FAM107A: variants seen among roughly 807,000 people sequenced by gnomAD.
The protein encoded by FAM107A is family with sequence similarity 107 member A, also known as actin-associated protein FAM107A.
Under a neutral mutation model 13.7 loss-of-function variants are expected in FAM107A, and 19 were observed. The observed-to-expected ratio is 1.38, with a 90% CI of 0.97 to 2.03. The LOEUF (loss-of-function observed/expected upper bound fraction) is 2.03, where lower values mean the gene tolerates loss of function less well. Among genes scored for constraint, FAM107A ranks in the 30% most tolerant of loss-of-function variants. The probability of loss-of-function intolerance (pLI) is 0.00; values close to 1 mark genes in which losing one functional copy is unlikely to be tolerated. For missense variants in FAM107A, 203 were observed against 184.4 expected (o/e 1.10, Z -0.58); for synonymous variants, 82 against 74.5 (o/e 1.10, Z -0.52).
At chr3:58,571,233 T>A (rs1575439069) in intron 1 of FAM107A, among the ~76,000 whole-genome samples, 1 of 152,302 alleles carries the variant, frequency 6.6e-6, no homozygotes, top group Admixed American at 6.5e-5. Context: ...CAGACCCGTG[T>A]TTGGCATTTC....
At chr3:58,601,603 T>C (rs1406700993) in intron 1 of FAM107A, among the ~76,000 whole-genome samples, 4 of 152,222 alleles carry the variant, frequency 2.6e-5, no homozygotes, top group Admixed American at 6.5e-5. Flanking sequence ...TCAATGAATA[T>C]CCCACATGTA....
At chr3:58,599,696 ATTTTTTTTTTTTTTTTTTTTTTTTTTTT>A (rs57244654) in intron 1 of FAM107A, among the ~76,000 whole-genome samples, 1 of 78,570 alleles carries the variant, frequency 1.3e-5, no homozygotes, top group Non-Finnish European at 2.7e-5. Context: ...CAAGTGCACC[ATTTTTTTTTTTTTTTTTTTTTTTTTTTT>A]TTTTTTTTTT....
At chr3:58,606,801 T>A (rs972897047) in intron 1 of FAM107A, among the ~76,000 whole-genome samples, 1 of 152,234 alleles carries the variant, frequency 6.6e-6, no homozygotes, top group African/African-American at 2.4e-5. Context: ...TGTGACTTCT[T>A]GTCAACAGAC....
intron 1 of FAM107A, among the ~76,000 whole-genome samples, chr3:58,586,531 T>A (rs1411307694): frequency 6.6e-6 from 1 of 151,556 alleles, no homozygotes; most frequent in East Asian, 1.9e-4. Flanking sequence ...CTACAAAAAA[T>A]TTAAAAAATT....
intron 1 of FAM107A, among the ~76,000 whole-genome samples, chr3:58,601,143 T>A (rs905058959): frequency 4.6e-5 from 7 of 152,228 alleles, no homozygotes; most frequent in African/African-American, 1.7e-4. Context: ...TAGGCTCACT[T>A]TTAAGCTTTT....
upstream of FAM107A, chr3:58,577,429 G>A (rs1358113781): frequency 2.0e-6 from 2 of 985,238 alleles, no homozygotes; most frequent in South Asian, 4.7e-5. This position sits in a 1 kb window ranked among gnomAD's most constrained non-coding sequence, Gnocchi z 4.9. Flanking sequence ...AAACCCCTGG[G>A]AACGGAGGCT....
chr3:58,582,631 CTGGG>C (rs992949879), upstream of FAM107A, among the ~76,000 whole-genome samples: 12 of 152,212 alleles, frequency 7.9e-5, no homozygotes, highest in African/African-American at 2.7e-4. Flanking sequence ...TGCTGGACAA[CTGGG>C]TGACCTTCAA....
intron 1 of FAM107A, chr3:58,609,384 G>A (rs188292609): frequency 1.3e-5 from 2 of 152,056 alleles, no homozygotes; most frequent in Non-Finnish European, 2.9e-5. Flanking sequence ...ATACAAAAGT[G>A]ACCATGATAT....
intron 1 of FAM107A, among the ~76,000 whole-genome samples, chr3:58,603,866 C>T (rs767601076): frequency 1.3e-5 from 2 of 152,192 alleles, no homozygotes; most frequent in Admixed American, 6.5e-5. Context: ...CTGCTTTTTA[C>T]AGATGGGGCT....
At chr3:58,590,314 C>A (rs1257395415), upstream of FAM107A, among the ~76,000 whole-genome samples, 1 of 152,196 alleles carries the variant, frequency 6.6e-6, no homozygotes, top group Admixed American at 6.5e-5. Context: ...CTTGCCCTGT[C>A]TTCCTGCAAC....
At chr3:58,571,326 T>C (rs2063681499) in intron 1 of FAM107A, among the ~76,000 whole-genome samples, 1 of 152,144 alleles carries the variant, frequency 6.6e-6, no homozygotes, top group African/African-American at 2.4e-5. Context: ...GGAAAAAGTG[T>C]TAATTATTAT....
chr3:58,617,952 C>T lies in FAM107A; in HGVS notation c.-70+9464G>A, dbSNP rs2065918691. 6.6e-6 allele frequency among the ~76,000 whole-genome samples: 1 copy of T among 152,210 alleles called. No homozygotes were observed. The highest frequency in any genetic ancestry group is 2.1e-4 in the South Asian group (1 of 4,828). On this transcript the variant is annotated intron_variant, in intron 1 of 3. Transcript: ENST00000465970. This position sits in a 1 kb window ranked among gnomAD's most constrained non-coding sequence, Gnocchi z 4.5. ...AAGTATCCAAGTTCAAGTCCCAGCT[C>T]TGGCACTTGTTGGCTCTGTGATCTT...
chr3:58,603,587 T>C (rs2065769790), intron 1 of FAM107A, among the ~76,000 whole-genome samples: 1 of 151,840 alleles, frequency 6.6e-6, no homozygotes, highest in Non-Finnish European at 1.5e-5. Context: ...GTCTGGAGAG[T>C]AGATGGCACT....
upstream of FAM107A, among the ~76,000 whole-genome samples, chr3:58,577,981 G>C (rs779319791): frequency 2.6e-5 from 4 of 152,168 alleles, no homozygotes; most frequent in Non-Finnish European, 5.9e-5. This position sits in a 1 kb window ranked among gnomAD's most constrained non-coding sequence, Gnocchi z 4.9. Context: ...CTGGGTCTCA[G>C]CAGGCTCATG....
chr3:58,578,880 T>G (rs546407962), upstream of FAM107A, among the ~76,000 whole-genome samples: 1 of 152,304 alleles, frequency 6.6e-6, no homozygotes, highest in African/African-American at 2.4e-5. Flanking sequence ...AAGGCAACCT[T>G]GTGTCTTCTT....
chr3:58,608,085 T>G (rs1177868952), intron 1 of FAM107A: 1 of 152,188 alleles, frequency 6.6e-6, no homozygotes, highest in Non-Finnish European at 1.5e-5. Flanking sequence ...GGGTGTGATT[T>G]CTGCTCTACT....
chr3:58,575,093 C>A (rs1021856462), intron 1 of FAM107A, among the ~76,000 whole-genome samples: 3 of 152,216 alleles, frequency 2.0e-5, no homozygotes, highest in Admixed American at 6.5e-5. Context: ...ACTTGCCTCT[C>A]CACTGTTCTG....
intron 1 of FAM107A, among the ~76,000 whole-genome samples, chr3:58,610,162 T>C (rs935221): frequency 0.88 from 134,609 of 152,192 alleles, 59,581 homozygotes; most frequent in Admixed American, 0.91. Context: ...TACAGCACCA[T>C]AGGCCAGGCA....
upstream of FAM107A, among the ~76,000 whole-genome samples, chr3:58,579,424 TTTC>T (rs1288042511): frequency 6.6e-6 from 1 of 152,106 alleles, no homozygotes; most frequent in Non-Finnish European, 1.5e-5. Flanking sequence ...GGTCCCTTTT[TTTC>T]TTCTTCCCCA....
Sources: gnomAD v4.1 joint callset for allele counts (sites outside exome capture counted in the v4.1 genomes callset) on GRCh38, gnomAD v4.1.1 for gene constraint, Gnocchi (gnomAD v3.1) non-coding constraint, MANE v1.5 for transcripts, NCBI Gene and HGNC (gene_info 2026-07-23, HGNC 2026-07-21) for gene names.